The following MEI4 variants were observed in gnomAD, a reference collection of about 807,000 sequenced individuals.
The protein encoded by MEI4 is meiosis-specific protein MEI4.
MEI4 carries 27 observed loss-of-function variants against 31.4 expected under a neutral mutation model. The observed-to-expected ratio is 0.86, with a 90% CI of 0.63 to 1.19. The LOEUF is 1.19. Among genes scored for constraint, MEI4 ranks in the 50% most tolerant of loss-of-function variants. MEI4 has a pLI of 0.00. For synonymous variants in MEI4, 122 were observed against 145.4 expected, an observed-to-expected ratio of 0.84 and a Z score of 1.16; for missense variants, 329 against 398.9, an observed-to-expected ratio of 0.82 and a Z score of 1.49.
chr6:77,899,644 C>T (rs536329808), intron 4 of MEI4, among the ~76,000 whole-genome samples: 1 of 152,106 alleles, frequency 6.6e-6, no homozygotes, highest in South Asian at 2.1e-4. Flanking sequence ...TGGATAAGTC[C>T]AGCTTGACTG....
At chr6:77,916,734 T>A (rs538452066) in intron 4 of MEI4, among the ~76,000 whole-genome samples, 1 of 150,852 alleles carries the variant, frequency 6.6e-6, no homozygotes, top group Non-Finnish European at 1.5e-5. Flanking sequence ...ATTGCATCAA[T>A]TCAGTCACAT....
At chr6:77,716,371 A>G (rs1448126517) in intron 2 of MEI4, among the ~76,000 whole-genome samples, 1 of 152,198 alleles carries the variant, frequency 6.6e-6, no homozygotes, top group East Asian at 1.9e-4. Flanking sequence ...GGAAGTGAAT[A>G]TGGTTAGAGG....
Position 77,670,601 on chromosome 6 carries a change from C to G in MEI4, c.-15+17509C>G, listed in dbSNP as rs189704720. Among the ~76,000 whole-genome samples, 528 of 152,276 alleles carry G rather than the reference C, an allele frequency of 3.5e-3. 2 individuals carry two copies. The highest frequency in any genetic ancestry group is 6.5e-3 in the Non-Finnish European group (441 of 68,018). On this transcript the variant is annotated intron_variant, in intron 1 of 4. Transcript: ENST00000684080. ...GAAAGTGCTGTATGTATCACAGCCC[C>G]TGACTCAGGCCTTTCAACTTCCCTC...
At chr6:77,711,298 T>G (rs1436272440) in intron 2 of MEI4, among the ~76,000 whole-genome samples, 1 of 152,150 alleles carries the variant, frequency 6.6e-6, no homozygotes, top group Non-Finnish European at 1.5e-5. Flanking sequence ...TTAGCTTGAT[T>G]TAATTCTTTC....
At chr6:77,873,600 T>TCG (rs1483477798) in intron 4 of MEI4, among the ~76,000 whole-genome samples, 2 of 152,230 alleles carry the variant, frequency 1.3e-5, no homozygotes, top group African/African-American at 2.4e-5. Context: ...CAGAAGCTCT[T>TCG]TAGTTGAATT....
At chr6:77,728,099 G>T (rs555133940) in intron 2 of MEI4, among the ~76,000 whole-genome samples, 1 of 152,026 alleles carries the variant, frequency 6.6e-6, no homozygotes, top group African/African-American at 2.4e-5. Context: ...CAGACTTGTT[G>T]TGCTTGTTCA....
chr6:77,828,859 T>C (rs2127711239), intron 3 of MEI4, 72 bp from the exon 4 acceptor site: 1 of 1,120,574 alleles, frequency 8.9e-7, no homozygotes. Context: ...TTTAGCTCAG[T>C]AGTAAGGTCT....
rs576567464 is a variant in MEI4, at chr6:77,908,518, C to T, written c.901-14571C>T. Reference sequence around the variant, plus strand: ...TTCCATTGGTCTATATCTCTGTTTTCGTACCAGTATCATGCTGTTTTGGTT... The same window carrying T: ...TTCCATTGGTCTATATCTCTGTTTTTGTACCAGTATCATGCTGTTTTGGTT... On this transcript the variant is annotated intron_variant, in intron 4 of 4. Coordinates refer to ENST00000684080, the MANE Select transcript of MEI4 (RefSeq NM_001322247.2). Among the ~76,000 whole-genome samples the T allele has an allele frequency of 9.2e-5, 14 of 151,990 alleles. No homozygotes were observed. In the South Asian group the frequency reaches 1.5e-3, roughly 16 times the overall value.
chr6:77,873,742 A>G (rs554493218), intron 4 of MEI4, among the ~76,000 whole-genome samples: 55 of 152,252 alleles, frequency 3.6e-4, no homozygotes, highest in African/African-American at 1.2e-3. Flanking sequence ...TTTTAGGTCT[A>G]ACATGTAAGT....
At chr6:77,772,585 G>A (rs569084100) in intron 3 of MEI4, among the ~76,000 whole-genome samples, 1 of 152,016 alleles carries the variant, frequency 6.6e-6, no homozygotes, top group South Asian at 2.1e-4. Context: ...CAGAATAAAA[G>A]CCATATTTGA....
chr6:77,756,484 T>G (rs1222113712), intron 2 of MEI4, among the ~76,000 whole-genome samples: 1 of 152,118 alleles, frequency 6.6e-6, no homozygotes, highest in African/African-American at 2.4e-5. Flanking sequence ...CTAAATTGGT[T>G]ATGGGTTATA....
chr6:77,681,877 G>A (rs1188707679), intron 1 of MEI4, among the ~76,000 whole-genome samples: 1 of 152,040 alleles, frequency 6.6e-6, no homozygotes, highest in Non-Finnish European at 1.5e-5. Flanking sequence ...GCTTCCACAG[G>A]GGCCCTTAAT....
intron 2 of MEI4, among the ~76,000 whole-genome samples, chr6:77,748,290 A>C (rs1767667798): frequency 6.6e-6 from 1 of 152,200 alleles, no homozygotes; most frequent in African/African-American, 2.4e-5. Flanking sequence ...TTCTGCCTGG[A>C]CATCCAGGCA....
chr6:77,823,272 C>T (rs182772466), intron 3 of MEI4, among the ~76,000 whole-genome samples: 275 of 152,140 alleles, frequency 1.8e-3, no homozygotes, highest in Middle Eastern at 0.01. Context: ...AATGTTGTTT[C>T]TTTTGACTTT....
At chr6:77,741,522 T>C (rs1767399930) in intron 2 of MEI4, among the ~76,000 whole-genome samples, 1 of 152,142 alleles carries the variant, frequency 6.6e-6, no homozygotes, top group Admixed American at 6.5e-5. Flanking sequence ...AAGGACAGAT[T>C]CAGATACATA....
intron 2 of MEI4, among the ~76,000 whole-genome samples, chr6:77,755,715 C>A (rs1220154119): frequency 6.6e-6 from 1 of 151,962 alleles, no homozygotes; most frequent in Non-Finnish European, 1.5e-5. Flanking sequence ...ATTGATATTT[C>A]ATGTACTTTT....
intron 4 of MEI4, among the ~76,000 whole-genome samples, chr6:77,902,485 T>A (rs1214933691): frequency 6.6e-6 from 1 of 152,128 alleles, no homozygotes; most frequent in Non-Finnish European, 1.5e-5. Context: ...ATGGAATTAT[T>A]CTCTTGATTG....
chr6:77,732,634 A>C lies in MEI4; in HGVS notation c.233-28496A>C, dbSNP rs146031197. Among the ~76,000 whole-genome samples the C allele has an allele frequency of 4.1e-5, 6 of 148,136 alleles. 1 individual carries two copies. The highest frequency in any genetic ancestry group is 1.2e-4 in the African/African-American group (5 of 40,478). On this transcript the variant is annotated intron_variant, in intron 2 of 4. Transcript: ENST00000684080. ...TACCCTTTATTTCCTTCTCCTGCCT[A>C]ATTGCCCTGGCCAAGACTTCCAACA... is the stretch of plus-strand genomic sequence containing the variant.
intron 4 of MEI4, among the ~76,000 whole-genome samples, chr6:77,831,363 A>G (rs932082816): frequency 1.3e-5 from 2 of 151,886 alleles, no homozygotes; most frequent in Admixed American, 1.3e-4. Flanking sequence ...AAATCTAAAA[A>G]TAGAACTACC....
Sources: allele counts gnomAD v4.1 joint callset (sites outside exome capture counted in the v4.1 genomes callset), GRCh38; gene constraint gnomAD v4.1.1; transcripts MANE v1.5; gene names NCBI Gene and HGNC (gene_info 2026-07-23, HGNC 2026-07-21).